The following SPPL3 variants were observed in gnomAD, a reference collection of about 807,000 sequenced individuals.
SPPL3 encodes the protein signal peptide peptidase like 3.
A neutral mutation model predicts 42.4 loss-of-function variants in SPPL3; 5 were observed. That is an observed-to-expected ratio of 0.12 (90% CI 0.06 to 0.25). The LOEUF (loss-of-function observed/expected upper bound fraction) is 0.25. Ranked by LOEUF, SPPL3 falls within the 10% of genes least tolerant of loss-of-function variation. The probability of loss-of-function intolerance (pLI) is 1.00; values close to 1 mark genes in which losing one functional copy is unlikely to be tolerated. For synonymous variants in SPPL3, 195 were observed against 181.8 expected (o/e 1.07, Z -0.58); for missense variants, 235 against 489.0 (o/e 0.48, Z 4.90).
chr12:120,803,212 C>T (rs1870381299), intron 2 of SPPL3, among the ~76,000 whole-genome samples: 1 of 152,162 alleles, frequency 6.6e-6, no homozygotes, highest in Non-Finnish European at 1.5e-5. Flanking sequence ...GGAGTGCTGG[C>T]ATTATGGTAT....
At chr12:120,859,160 C>T (rs1279082179) in intron 1 of SPPL3, among the ~76,000 whole-genome samples, 1 of 151,704 alleles carries the variant, frequency 6.6e-6, no homozygotes, top group African/African-American at 2.4e-5. Context: ...TTTCAGATCT[C>T]CCTCTTTTTT....
chr12:120,841,249 C>T (rs148255894), intron 1 of SPPL3, among the ~76,000 whole-genome samples: 303 of 151,530 alleles, frequency 2.0e-3, no homozygotes, highest in African/African-American at 6.2e-3. Context: ...CGGTTGAACC[C>T]GGGAGGCGGA....
chr12:120,776,577 CTTT>C (rs149282280), intron 6 of SPPL3, among the ~76,000 whole-genome samples: 5 of 146,512 alleles, frequency 3.4e-5, no homozygotes, highest in African/African-American at 1.3e-4. Context: ...CCATGCTGAA[CTTT>C]TTTTTTTTGG....
At chr12:120,867,558 G>C (rs1256333806) in intron 1 of SPPL3, among the ~76,000 whole-genome samples, 4 of 151,798 alleles carry the variant, frequency 2.6e-5, no homozygotes, top group Non-Finnish European at 4.4e-5. Flanking sequence ...CCAGCTACTT[G>C]AGAGGCTGAG....
At chr12:120,833,569 C>T (rs989006611) in intron 1 of SPPL3, among the ~76,000 whole-genome samples, 1 of 150,974 alleles carries the variant, frequency 6.6e-6, no homozygotes, top group African/African-American at 2.4e-5. Context: ...GTGGCTCATG[C>T]CTATAATTCC....
chr12:120,876,214 C>T lies in SPPL3; in HGVS notation c.23+27631G>A, dbSNP rs545924576. On this transcript the variant is annotated intron_variant, in intron 1 of 10. Coordinates refer to ENST00000353487, the MANE Select transcript of SPPL3 (RefSeq NM_139015.5). Reference sequence around the variant, plus strand: ...TTAAAAAGACTGAAATAATACAAAGCATATTCTCTAACTACAGGAGAATTA... The same window carrying T: ...TTAAAAAGACTGAAATAATACAAAGTATATTCTCTAACTACAGGAGAATTA... Among the ~76,000 whole-genome samples, 26 of 152,140 alleles carry T rather than the reference C, an allele frequency of 1.7e-4. 1 individual carries two copies. The highest frequency in any genetic ancestry group is 5.5e-4 in the African/African-American group (23 of 41,504).
chr12:120,855,920 C>G (rs1477647705), intron 1 of SPPL3, among the ~76,000 whole-genome samples: 1 of 152,112 alleles, frequency 6.6e-6, no homozygotes, highest in Non-Finnish European at 1.5e-5. Context: ...CTGAGAAAAT[C>G]TCAAGACTAA....
At chr12:120,847,192 G>T (rs763783794) in intron 1 of SPPL3, among the ~76,000 whole-genome samples, 2 of 152,128 alleles carry the variant, frequency 1.3e-5, no homozygotes, top group Non-Finnish European at 2.9e-5. Context: ...AGAAGAAAGG[G>T]AGATGTAACA....
At chr12:120,892,937 G>A (rs562037636) in intron 1 of SPPL3, among the ~76,000 whole-genome samples, 1 of 145,804 alleles carries the variant, frequency 6.9e-6, no homozygotes, top group Admixed American at 7.0e-5. Flanking sequence ...AGCCGAGATG[G>A]TGCCACTGCA....
In SPPL3 at chr12:120,785,356, G is replaced by A. The variant is rs77431485; in HGVS notation, c.191-763C>T. Among the ~76,000 whole-genome samples, 1,330 of 152,196 alleles carry A rather than the reference G, an allele frequency of 8.7e-3. 14 individuals are homozygous for A. Among genetic ancestry groups the A allele is most frequent in the South Asian group, 0.026 (126 of 4,812 alleles). ...GGCTAGAGTAGGATTTAGCGCAAGGGTTCTCAATTCTTGGCTTCCCATTAG... is the reference window on the plus strand; with the variant it reads ...GGCTAGAGTAGGATTTAGCGCAAGGATTCTCAATTCTTGGCTTCCCATTAG... On this transcript the variant is annotated intron_variant, in intron 3 of 10. Coordinates refer to ENST00000353487, the MANE Select transcript of SPPL3 (RefSeq NM_139015.5).
intron 2 of SPPL3, among the ~76,000 whole-genome samples, chr12:120,809,656 G>T (rs1870616804): frequency 6.6e-6 from 1 of 152,170 alleles, no homozygotes. Context: ...AGTGGAAAAA[G>T]GGAGTGTGTC....
intron 1 of SPPL3, among the ~76,000 whole-genome samples, chr12:120,815,013 T>C (rs1870818838): frequency 6.6e-6 from 1 of 152,210 alleles, no homozygotes; most frequent in African/African-American, 2.4e-5. Context: ...TAAGAACAAG[T>C]TCCTTACAGG....
In SPPL3 at chr12:120,884,031, G is replaced by A. The variant is rs56675333; in HGVS notation, c.23+19814C>T. On this transcript the variant is annotated intron_variant, in intron 1 of 10. Transcript: ENST00000353487. ...CAGGCGAATCGCTTGAACCCAGGAGGCGGAGGTTGTGGTGAGCTGAGATCA... is the reference window on the plus strand; with the variant it reads ...CAGGCGAATCGCTTGAACCCAGGAGACGGAGGTTGTGGTGAGCTGAGATCA... Among the ~76,000 whole-genome samples, 889 of 151,602 alleles carry A rather than the reference G, an allele frequency of 5.9e-3. 11 individuals carry two copies. The highest frequency in any genetic ancestry group is 0.019 in the African/African-American group (800 of 41,268).
chr12:120,808,086 C>CTTTTTTTTTTTTTTT (rs63135760), intron 2 of SPPL3, among the ~76,000 whole-genome samples: 12 of 132,796 alleles, frequency 9.0e-5, no homozygotes, highest in South Asian at 2.4e-4. Flanking sequence ...AGTTTCTTTT[C>CTTTTTTTTTTTTTTT]TTTTTTTTTT....
In SPPL3 at chr12:120,784,538, G is replaced by C; in HGVS notation, c.246C>G (p.Val82=). 6.2e-7 allele frequency: 1 copy of C among 1,613,108 alleles called. No homozygotes were observed. The highest frequency in any genetic ancestry group is 8.5e-7 in the Non-Finnish European group (1 of 1,179,348). ...QALFLPIGAS[V]SLLVMFFFFD... is the part of the protein sequence containing the mutation. ...AGAAGAAGAACATTACTAAAAGAGA[G>C]ACAGATGCTCCAATTGGAAGGAACA... Residue 82 remains valine (V), a synonymous_variant, in exon 4 of 11, where the codon GTC becomes GTG. Transcript: ENST00000353487.
chr12:120,853,185 C>G (rs1352872844), intron 1 of SPPL3, among the ~76,000 whole-genome samples: 1 of 152,166 alleles, frequency 6.6e-6, no homozygotes, highest in Non-Finnish European at 1.5e-5. Context: ...GCATGAGCCA[C>G]TACGCCCGGC....
At chr12:120,872,651 AG>A (rs1441696385) in intron 1 of SPPL3, among the ~76,000 whole-genome samples, 1 of 152,162 alleles carries the variant, frequency 6.6e-6, no homozygotes, top group Non-Finnish European at 1.5e-5. Flanking sequence ...AGTGCTTGAG[AG>A]GAAGTCTCCC....
chr12:120,779,479 T>G (rs1364644719), intron 6 of SPPL3, among the ~76,000 whole-genome samples: 8 of 152,232 alleles, frequency 5.3e-5, no homozygotes, highest in Admixed American at 3.9e-4. Context: ...ATTCTTCCCT[T>G]AAAAATTCTT....
chr12:120,824,308 T>C (rs1871172189), intron 1 of SPPL3, among the ~76,000 whole-genome samples: 1 of 152,168 alleles, frequency 6.6e-6, no homozygotes, highest in Non-Finnish European at 1.5e-5. Context: ...AAAATAACAC[T>C]AAAATTTTTT....
Sources: gnomAD v4.1 joint callset for allele counts (sites outside exome capture counted in the v4.1 genomes callset) on GRCh38, gnomAD v4.1.1 for gene constraint, MANE v1.5 for transcripts, NCBI Gene and HGNC (gene_info 2026-07-23, HGNC 2026-07-21) for gene names.